Variants in CDCA5 observed in about 807,000 individuals in gnomAD.
The protein encoded by CDCA5 is sororin.
Under a neutral mutation model 25.7 loss-of-function variants are expected in CDCA5, and 14 were observed. The observed-to-expected ratio is 0.54, with a 90% CI of 0.36 to 0.85. The LOEUF (loss-of-function observed/expected upper bound fraction) is 0.85. CDCA5 is among the 40% of genes least tolerant of loss of function. The pLI, the probability that CDCA5 is intolerant of heterozygous loss-of-function variation, is 0.01. For missense variants in CDCA5, 307 were observed against 324.5 expected, an observed-to-expected ratio of 0.95 and a Z score of 0.41; for synonymous variants, 127 against 128.7, an observed-to-expected ratio of 0.99 and a Z score of 0.09.
In CDCA5 at chr11:65,077,890, G is replaced by C; in HGVS notation, c.*1217C>G. Reference sequence around the variant, plus strand: ...TGCACACCTCAGCGTCTACTTCCACGAACTTCTAAACATCAAAAGGTACAA... The same window carrying C: ...TGCACACCTCAGCGTCTACTTCCACCAACTTCTAAACATCAAAAGGTACAA... On this transcript the variant is annotated 3_prime_UTR_variant, in exon 6 of 6. Transcript: ENST00000275517. The C allele has an allele frequency of 1.0e-6, 1 of 985,690 alleles. No homozygotes were observed. Among genetic ancestry groups the C allele is most frequent in the Non-Finnish European group, 1.2e-6 (1 of 830,064 alleles). 61.1% of individuals were successfully genotyped at this position (985,690 alleles called of 1,614,324 possible).
downstream of CDCA5, among the ~76,000 whole-genome samples, chr11:65,065,807 C>T (rs556736959): frequency 1.6e-4 from 24 of 152,022 alleles, no homozygotes; most frequent in Admixed American, 8.5e-4. Context: ...AACTCAAAAT[C>T]GATATGTATC....
chr11:65,075,662 C>T (rs1947430632), downstream of CDCA5, among the ~76,000 whole-genome samples: 1 of 152,166 alleles, frequency 6.6e-6, no homozygotes. Context: ...CTGCTAATGG[C>T]ACAGAGAACA....
At chr11:65,066,490 C>T in intron 6 of CDCA5, 1 of 1,288,898 alleles carries the variant, frequency 7.8e-7, no homozygotes, top group Non-Finnish European at 1.0e-6. Flanking sequence ...GCAGAGACAG[C>T]TCGAGTGAGC....
chr11:65,076,556 T>C (rs535281442), downstream of CDCA5, among the ~76,000 whole-genome samples: 1 of 152,188 alleles, frequency 6.6e-6, no homozygotes, highest in South Asian at 2.1e-4. Flanking sequence ...CCATCTCCTC[T>C]GGGTGGGGGA....
chr11:65,070,646 T>A (rs1029635454), intron 1 of CDCA5, among the ~76,000 whole-genome samples: 1 of 152,038 alleles, frequency 6.6e-6, no homozygotes, highest in African/African-American at 2.4e-5. Flanking sequence ...CACACCCAGC[T>A]AATTTGTGTA....
intron 2 of CDCA5, chr11:65,068,418 A>C: frequency 2.1e-6 from 2 of 963,342 alleles, no homozygotes; most frequent in Middle Eastern, 7.9e-4. Context: ...ATTCAGATAC[A>C]GGAAGAATTT....
At chr11:65,064,918 T>C (rs1005240887), downstream of CDCA5, among the ~76,000 whole-genome samples, 3 of 152,172 alleles carry the variant, frequency 2.0e-5, no homozygotes, top group African/African-American at 7.2e-5. Flanking sequence ...CAATTCAGCC[T>C]GAAGCTGGGG....
At chr11:65,068,236 T>C in intron 2 of CDCA5, 1 of 598,474 alleles carries the variant, frequency 1.7e-6, no homozygotes, top group South Asian at 1.6e-5. Context: ...CCCCATCGTC[T>C]GTATCCCCCA....
At chr11:65,066,512 GCCGCCTCTTCCCT>G in intron 6 of CDCA5, 2 of 1,289,266 alleles carry the variant, frequency 1.6e-6, no homozygotes, top group South Asian at 2.5e-5. Context: ...GCATGGGGCA[GCCGCCTCTTCCCT>G]CCCCGCTGCC....
chr11:65,075,013 G>T (rs509945), downstream of CDCA5, among the ~76,000 whole-genome samples: 1 of 139,994 alleles, frequency 7.1e-6, no homozygotes, highest in African/African-American at 2.7e-5. Context: ...GGTGAGCCGA[G>T]ATCGTGCCAT....
At chr11:65,071,630 CT>C (rs1273252974) in intron 1 of CDCA5, among the ~76,000 whole-genome samples, 4 of 152,144 alleles carry the variant, frequency 2.6e-5, no homozygotes, top group Non-Finnish European at 2.9e-5. Context: ...TGTTGTTTAT[CT>C]AAGATTCAGG....
At chr11:65,062,734 C>T (rs1444653240), downstream of CDCA5, among the ~76,000 whole-genome samples, 1 of 152,132 alleles carries the variant, frequency 6.6e-6, no homozygotes, top group African/African-American at 2.4e-5. Flanking sequence ...AAGTTCAAGA[C>T]CAGCCTGGGC....
chr11:65,064,345 G>T (rs1947211944), downstream of CDCA5, among the ~76,000 whole-genome samples: 1 of 151,266 alleles, frequency 6.6e-6, no homozygotes, highest in Non-Finnish European at 1.5e-5. Context: ...ATGAAGCCAG[G>T]AGGCAGAGGT....
rs192411184 is a variant in CDCA5 at position 65,071,312 on chromosome 11, T to A, written c.64-2711A>T. Among the ~76,000 whole-genome samples the A allele has an allele frequency of 2.0e-3, 305 of 151,270 alleles. 1 individual carries two copies. The highest frequency in any genetic ancestry group is 2.4e-3 in the Non-Finnish European group (161 of 67,850). The stretch of plus-strand genomic sequence containing the variant: ...ATGGAACATACTTGTACTAGAAAAC[T>A]ATCTATTATTTCTCTGATTTGGGAA... On this transcript the variant is annotated intron_variant, in intron 1 of 6. Transcript: ENST00000525464.
At position 65,077,482 on chromosome 11, in the gene CDCA5, T is replaced by C; in HGVS notation, c.*1625A>G. ...CAGGCAGAAACTCTTTAATCAGGCT[T>C]TTTTTCCAACTCTAAAACAAAATCC... On this transcript the variant is annotated 3_prime_UTR_variant, in exon 6 of 6. Coordinates refer to ENST00000275517, the MANE Select transcript of CDCA5 (RefSeq NM_080668.4). 1.0e-6 allele frequency: 1 copy of C among 985,452 alleles called. No individual in the cohort carries two copies. Among genetic ancestry groups the C allele is most frequent in the Non-Finnish European group, 1.2e-6 (1 of 829,932 alleles). 61.0% of individuals were successfully genotyped at this position (985,452 alleles called of 1,614,324 possible).
At chr11:65,061,843 T>C (rs1253272076), downstream of CDCA5, among the ~76,000 whole-genome samples, 1 of 146,066 alleles carries the variant, frequency 6.8e-6, no homozygotes, top group Non-Finnish European at 1.5e-5. Flanking sequence ...TGACTAAATA[T>C]AGACCAGAAA....
downstream of CDCA5, among the ~76,000 whole-genome samples, chr11:65,062,262 C>T (rs1947193221): frequency 6.6e-6 from 1 of 152,072 alleles, no homozygotes; most frequent in South Asian, 2.1e-4. Flanking sequence ...TATTCTTGTC[C>T]CCTCTAGTTT....
In CDCA5 at chr11:65,078,073, A is replaced by G. The variant is rs565780065; in HGVS notation, c.*1034T>C. The G allele has an allele frequency of 1.1e-5, 11 of 985,408 alleles. No individual in the cohort carries two copies. The African/African-American group carries it at 1.4e-4, about 13-fold the overall frequency. The allele number at this position is 985,408 out of a possible 1,614,324, so 61.0% of individuals were successfully genotyped here. A position where few individuals can be genotyped will look rare whatever the true frequency, so the allele number is the denominator to read the frequency against. On this transcript the variant is annotated 3_prime_UTR_variant, in exon 6 of 6. Transcript: ENST00000275517. ...CATGTGAGAGGATAGGGAGGCCAAAAACTAAAATTGCTATCAGCCCCCGCC... is the reference window on the plus strand; with the variant it reads ...CATGTGAGAGGATAGGGAGGCCAAAGACTAAAATTGCTATCAGCCCCCGCC...
At chr11:65,061,154 A>C in the CDCA5 span, among the ~76,000 whole-genome samples, 2 of 152,222 alleles carry the variant, frequency 1.3e-5, no homozygotes, top group East Asian at 3.9e-4. Flanking sequence ...ATGTGCCTGC[A>C]GAGTCACGTG....
Sources: gnomAD v4.1 joint callset for allele counts (sites outside exome capture counted in the v4.1 genomes callset) on GRCh38, gnomAD v4.1.1 for gene constraint, MANE v1.5 for transcripts, NCBI Gene and HGNC (gene_info 2026-07-23, HGNC 2026-07-21) for gene names.